The following FAT3 variants were observed in gnomAD, a reference collection of about 807,000 sequenced individuals.
The protein encoded by FAT3 is FAT atypical cadherin 3, also known as protocadherin Fat 3.
FAT3 carries 95 observed loss-of-function variants against 310.2 expected under a neutral mutation model. That is an observed-to-expected ratio of 0.31 (90% CI 0.26 to 0.36). The LOEUF is 0.36. Ranked by LOEUF, FAT3 falls within the 10% of genes least tolerant of loss-of-function variation. FAT3 has a pLI of 1.00. For synonymous variants in FAT3, 2,314 were observed against 2,192.9 expected, an observed-to-expected ratio of 1.06 and a Z score of -1.54; for missense variants, 5,408 against 5,715.6, an observed-to-expected ratio of 0.95 and a Z score of 1.74.
intron 3 of FAT3, among the ~76,000 whole-genome samples, chr11:92,691,394 C>A (rs940877487): frequency 6.6e-6 from 1 of 151,936 alleles, no homozygotes; most frequent in Admixed American, 6.6e-5. Context: ...TTTTGGTTTA[C>A]GAGGTTTCTT....
At chr11:92,489,015 A>G (rs1473187751) in intron 2 of FAT3, among the ~76,000 whole-genome samples, 1 of 152,120 alleles carries the variant, frequency 6.6e-6, no homozygotes, top group Non-Finnish European at 1.5e-5. Flanking sequence ...TAGGAGAGTC[A>G]AATAAGGTAA....
At chr11:92,482,748 C>T (rs559727929) in intron 2 of FAT3, among the ~76,000 whole-genome samples, 1 of 152,184 alleles carries the variant, frequency 6.6e-6, no homozygotes, top group Non-Finnish European at 1.5e-5. Flanking sequence ...GTCTCTCTCT[C>T]TCTTTTGTGC....
At chr11:92,252,841 A>C (rs1408948032) in intron 1 of FAT3, among the ~76,000 whole-genome samples, 1 of 152,142 alleles carries the variant, frequency 6.6e-6, no homozygotes, top group African/African-American at 2.4e-5. Context: ...ACCTTCCTCC[A>C]GTAGCAATAT....
chr11:92,468,648 G>A (rs1018121784), intron 2 of FAT3, among the ~76,000 whole-genome samples: 1 of 152,126 alleles, frequency 6.6e-6, no homozygotes, highest in Non-Finnish European at 1.5e-5. Context: ...CAACATGGCT[G>A]GGGAGGCCTC....
chr11:92,858,660 T>C lies in FAT3; in HGVS notation c.11501-505T>C, dbSNP rs187220517. On this transcript the variant is annotated intron_variant, in intron 20 of 27. Coordinates refer to ENST00000525166, the MANE Select transcript of FAT3 (RefSeq NM_001367949.2). ...TGTGACTACATGAATTTCCTTTATA[T>C]CAGTTATCTTTTTGCAACATTAGTA... Among the ~76,000 whole-genome samples the C allele has an allele frequency of 1.3e-3, 203 of 152,306 alleles. 2 individuals carry two copies. The highest frequency in any genetic ancestry group is 3.8e-3 in the African/African-American group (160 of 41,566).
chr11:92,822,551 C>T (rs1239193253), intron 13 of FAT3, among the ~76,000 whole-genome samples: 1 of 152,222 alleles, frequency 6.6e-6, no homozygotes, highest in African/African-American at 2.4e-5. Context: ...CATCCTACCA[C>T]TTCACCTTGT....
chr11:92,436,339 G>T (rs1950939272), intron 2 of FAT3, among the ~76,000 whole-genome samples: 1 of 151,834 alleles, frequency 6.6e-6, no homozygotes, highest in African/African-American at 2.4e-5. Context: ...ACAGGGTTTT[G>T]CTATGTTTCC....
chr11:92,773,514 CT>C (rs993461489), intron 6 of FAT3, among the ~76,000 whole-genome samples: 1 of 151,538 alleles, frequency 6.6e-6, no homozygotes, highest in Admixed American at 6.6e-5. Flanking sequence ...AATTTTTTTG[CT>C]TTTTTTTACT....
intron 3 of FAT3, among the ~76,000 whole-genome samples, chr11:92,672,247 C>T (rs919505075): frequency 6.6e-6 from 1 of 152,188 alleles, no homozygotes; most frequent in African/African-American, 2.4e-5. Flanking sequence ...CTCATCAAAT[C>T]ACATTTCACA....
intron 21 of FAT3, among the ~76,000 whole-genome samples, chr11:92,863,662 A>G (rs1306520928): frequency 3.9e-5 from 6 of 152,230 alleles, no homozygotes; most frequent in Non-Finnish European, 8.8e-5. Flanking sequence ...CTCAATTTCT[A>G]TTAAAATAGC....
Position 92,452,667 on chromosome 11 carries a change from T to C in FAT3, c.3293-71967T>C, listed in dbSNP as rs1034787624. Among the ~76,000 whole-genome samples, 8 of 152,176 alleles carry C rather than the reference T, an allele frequency of 5.3e-5. No individual in the cohort carries two copies. The South Asian group carries it at 6.2e-4, about 12-fold the overall frequency. On this transcript the variant is annotated intron_variant, in intron 2 of 27. Coordinates refer to ENST00000525166, the MANE Select transcript of FAT3 (RefSeq NM_001367949.2). The stretch of plus-strand genomic sequence containing the variant: ...AATGATAAATGGAACAAATGAATAC[T>C]CACTCTTCGATAGAAAAGACTAAAA...
In FAT3 at chr11:92,649,871, GTTCATATATATATATATATA is replaced by G. The variant is rs1368799689; in HGVS notation, c.3608-47511_3608-47492del. Among the ~76,000 whole-genome samples the G allele has an allele frequency of 5.5e-3, 629 of 114,094 alleles. 14 individuals are homozygous for G. Among genetic ancestry groups the G allele is most frequent in the African/African-American group, 0.019 (564 of 29,814 alleles). 74.9% of individuals were successfully genotyped at this position (114,094 alleles called of 152,430 possible). ...CATTTGTTAAACACCCACTTTGTAT[GTTCATATATATATATATATA>G]TATATATATATATATATATATATAT... On this transcript the variant is annotated intron_variant, in intron 3 of 27. Coordinates refer to ENST00000525166, the MANE Select transcript of FAT3 (RefSeq NM_001367949.2).
intron 2 of FAT3, among the ~76,000 whole-genome samples, chr11:92,358,599 A>C (rs891317680): frequency 6.6e-6 from 1 of 152,084 alleles, no homozygotes; most frequent in Non-Finnish European, 1.5e-5. Context: ...AATCTTAACC[A>C]TCTTTCTTTC....
intron 4 of FAT3, among the ~76,000 whole-genome samples, chr11:92,721,160 T>C (rs1261883933): frequency 2.0e-5 from 3 of 152,206 alleles, no homozygotes; most frequent in African/African-American, 4.8e-5. Flanking sequence ...CATGTTTGTT[T>C]AGCAACAATG....
intron 2 of FAT3, among the ~76,000 whole-genome samples, chr11:92,412,660 T>A (rs943397218): frequency 2.2e-5 from 3 of 135,396 alleles, no homozygotes; most frequent in African/African-American, 5.2e-5. Context: ...TATCTTCTTA[T>A]GTTTTCTCAA....
intron 1 of FAT3, among the ~76,000 whole-genome samples, chr11:92,247,872 C>T (rs999789908): frequency 2.1e-4 from 32 of 151,980 alleles, no homozygotes; most frequent in African/African-American, 6.0e-4. Flanking sequence ...AGTAGGCTGA[C>T]GCTAGAGAAT....
intron 27 of FAT3, among the ~76,000 whole-genome samples, chr11:92,890,183 T>G (rs7118248): frequency 0.68 from 102,810 of 152,082 alleles, 35,157 homozygotes; most frequent in African/African-American, 0.76. Context: ...ATAGCATGTG[T>G]CTAGGAAGAG....
intron 13 of FAT3, among the ~76,000 whole-genome samples, chr11:92,830,149 T>C (rs1445905853): frequency 1.3e-5 from 2 of 152,222 alleles, no homozygotes; most frequent in Admixed American, 6.5e-5. Flanking sequence ...ATGGTGCTTT[T>C]TCAGCCCACA....
intron 3 of FAT3, among the ~76,000 whole-genome samples, chr11:92,589,605 A>G (rs547999816): frequency 2.3e-4 from 35 of 152,136 alleles, no homozygotes; most frequent in African/African-American, 7.7e-4. Flanking sequence ...TGCTCAGCAA[A>G]GTGGATATAT....
Sources: gnomAD v4.1 joint callset for allele counts (sites outside exome capture counted in the v4.1 genomes callset) on GRCh38, gnomAD v4.1.1 for gene constraint, MANE v1.5 for transcripts, NCBI Gene and HGNC (gene_info 2026-07-23, HGNC 2026-07-21) for gene names.